DENND2B: variants seen among roughly 807,000 people sequenced by gnomAD.
DENND2B encodes the protein DENN domain containing 2B.
A neutral mutation model predicts 116.0 loss-of-function variants in DENND2B; 32 were observed. The observed-to-expected ratio is 0.28, with a 90% confidence interval of 0.21 to 0.37. DENND2B has a LOEUF of 0.37. Among genes scored for constraint, DENND2B ranks in the 10% least tolerant of loss-of-function variants. The probability of loss-of-function intolerance (pLI) is 1.00; values close to 1 mark genes in which losing one functional copy is unlikely to be tolerated. For synonymous variants in DENND2B, 588 were observed against 583.9 expected (o/e 1.01, Z -0.10); for missense variants, 1,276 against 1,477.7 (o/e 0.86, Z 2.24).
At chr11:8,904,447 T>C (rs1488908105) in intron 1 of DENND2B, among the ~76,000 whole-genome samples, 1 of 151,904 alleles carries the variant, frequency 6.6e-6, no homozygotes, top group African/African-American at 2.4e-5. Flanking sequence ...TAATAAAGAG[T>C]ATCTACAAAA....
chr11:8,710,789 ACACACC>A, intron 11 of DENND2B, 50 bp downstream of exon 11: 6 of 1,388,270 alleles, frequency 4.3e-6, no homozygotes, highest in Non-Finnish European at 5.1e-6. Flanking sequence ...ACACACACAC[ACACACC>A]CTGGCCTATC....
intron 1 of DENND2B, among the ~76,000 whole-genome samples, chr11:8,774,596 T>C (rs776280603): frequency 6.6e-6 from 1 of 152,162 alleles, no homozygotes; most frequent in Non-Finnish European, 1.5e-5. Context: ...CCCCAACTCC[T>C]GGCTGTGCCC....
intron 14 of DENND2B, among the ~76,000 whole-genome samples, chr11:8,701,351 G>T (rs1323325733): frequency 1.3e-5 from 1 of 76,016 alleles, no homozygotes; most frequent in Non-Finnish European, 2.8e-5. Flanking sequence ...TTCCGGGGGG[G>T]GGGGGGGGAG....
At chr11:8,806,305 C>G (rs563349228) in intron 1 of DENND2B, among the ~76,000 whole-genome samples, 1 of 152,278 alleles carries the variant, frequency 6.6e-6, no homozygotes, top group South Asian at 2.1e-4. Context: ...ACAGGTCACA[C>G]AGAGGAAGAG....
At chr11:8,890,122 A>G (rs1478677428) in intron 1 of DENND2B, among the ~76,000 whole-genome samples, 1 of 152,222 alleles carries the variant, frequency 6.6e-6, no homozygotes, top group Non-Finnish European at 1.5e-5. Context: ...GCTGATACCC[A>G]GGCAAACAGG....
At position 8,723,496 on chromosome 11, in the gene DENND2B, G is replaced by A. The variant is rs534961811; in HGVS notation, c.1477+2577C>T. Among the ~76,000 whole-genome samples the A allele has an allele frequency of 6.6e-5, 10 of 152,202 alleles. No homozygotes were observed. The East Asian group carries it at 1.9e-3, about 29-fold the overall frequency. On this transcript the variant is annotated intron_variant, in intron 4 of 19. Coordinates refer to ENST00000313726, the MANE Select transcript of DENND2B (RefSeq NM_213618.2). ...GTCAGGTTTGAGAGAAGGGAAAGAG[G>A]AGGGCAAGTGTGTCTAGGCCTCTGC...
chr11:8,834,027 T>C (rs1368293787), intron 4 of DENND2B, among the ~76,000 whole-genome samples: 5 of 152,076 alleles, frequency 3.3e-5, no homozygotes, highest in Non-Finnish European at 7.4e-5. Flanking sequence ...AGACCAAAGA[T>C]GAACTCAAAA....
At chr11:8,724,119 C>T (rs1255509608) in intron 4 of DENND2B, among the ~76,000 whole-genome samples, 1 of 152,124 alleles carries the variant, frequency 6.6e-6, no homozygotes, top group African/African-American at 2.4e-5. Context: ...CACGGTGAAA[C>T]CCTGTCTCTA....
chr11:8,796,172 C>G (rs979100719), intron 1 of DENND2B, among the ~76,000 whole-genome samples: 3 of 152,192 alleles, frequency 2.0e-5, no homozygotes, highest in African/African-American at 7.2e-5. Context: ...AGTTTATAAA[C>G]ACTGCATACA....
chr11:8,906,524 A>AAAC (rs1345535578), intron 1 of DENND2B, among the ~76,000 whole-genome samples: 1 of 151,928 alleles, frequency 6.6e-6, no homozygotes, highest in African/African-American at 2.4e-5. Flanking sequence ...AAAAAAAAAA[A>AAAC]AAAACTCTAC....
At chr11:8,791,756 AC>A (rs2059398163) in intron 1 of DENND2B, among the ~76,000 whole-genome samples, 1 of 106,874 alleles carries the variant, frequency 9.4e-6, no homozygotes, top group African/African-American at 2.6e-5. Flanking sequence ...ACAGAGCAAG[AC>A]CCTATCTCAA....
chr11:8,714,153 C>A, intron 7 of DENND2B, 111 bp from the exon 8 acceptor site: 1 of 1,117,170 alleles, frequency 9.0e-7, no homozygotes, highest in East Asian at 2.4e-5. Context: ...CTTCTCTGGG[C>A]TACTCTGGGC....
rs1003800442 is a variant in DENND2B, at chr11:8,787,373, C to A, written c.-26+23144G>T. On this transcript the variant is annotated intron_variant, in intron 1 of 19. Coordinates refer to ENST00000313726, the MANE Select transcript of DENND2B (RefSeq NM_213618.2). The stretch of plus-strand genomic sequence containing the variant: ...TTTTTTTTTTTAAGAGACAGGGACA[C>A]GTTTCCCAGCCTAGGCTGGACTTGA... 4 of 151,878 alleles carry A rather than the reference C, an allele frequency of 2.6e-5. No homozygotes were observed. The South Asian group carries it at 8.3e-4, about 32-fold the overall frequency. The allele number at this position is 151,878 out of a possible 1,614,324, so 9.4% of individuals were successfully genotyped here.
chr11:8,725,735 A>G (rs1414077525), intron 4 of DENND2B, among the ~76,000 whole-genome samples: 1 of 152,222 alleles, frequency 6.6e-6, no homozygotes, highest in Non-Finnish European at 1.5e-5. Flanking sequence ...AGTCTTCACA[A>G]AAGTTAAGTG....
chr11:8,837,273 G>T (rs373216798), intron 4 of DENND2B, among the ~76,000 whole-genome samples: 87 of 148,044 alleles, frequency 5.9e-4, no homozygotes, highest in African/African-American at 2.1e-3. Flanking sequence ...TACATAGGCA[G>T]AAGTTAAACC....
intron 4 of DENND2B, among the ~76,000 whole-genome samples, chr11:8,821,889 T>A (rs2061781729): frequency 6.6e-6 from 1 of 152,180 alleles, no homozygotes; most frequent in Non-Finnish European, 1.5e-5. Flanking sequence ...CCTCCCAGGC[T>A]CAAGCAATTC....
At chr11:8,708,250 T>C (rs563768689) in intron 11 of DENND2B, 7 of 985,476 alleles carry the variant, frequency 7.1e-6, no homozygotes, top group African/African-American at 7.0e-5. Context: ...GGACAAGCCA[T>C]TGTAGCTTTT....
At chr11:8,824,832 C>A (rs997353399) in intron 4 of DENND2B, among the ~76,000 whole-genome samples, 4 of 150,096 alleles carry the variant, frequency 2.7e-5, no homozygotes, top group Non-Finnish European at 4.4e-5. Flanking sequence ...GGACTACAGG[C>A]GCACACCTCC....
chr11:8,840,240 CA>C (rs1300748768), intron 3 of DENND2B, among the ~76,000 whole-genome samples: 1 of 152,148 alleles, frequency 6.6e-6, no homozygotes, highest in Non-Finnish European at 1.5e-5. Context: ...TTCTCTTGGA[CA>C]AAAGAGAGGG....
Sources: gnomAD v4.1 joint callset for allele counts (sites outside exome capture counted in the v4.1 genomes callset) on GRCh38, gnomAD v4.1.1 for gene constraint, MANE v1.5 for transcripts, NCBI Gene and HGNC (gene_info 2026-07-23, HGNC 2026-07-21) for gene names.